OGT: variants seen among roughly 807,000 people sequenced by gnomAD.
OGT encodes the protein UDP-N-acetylglucosamine--peptide N-acetylglucosaminyltransferase 110 kDa subunit.
OGT carries 3 observed loss-of-function variants against 75.8 expected under a neutral mutation model. The observed-to-expected ratio is 0.04, with a 90% CI of 0.02 to 0.10. The LOEUF (loss-of-function observed/expected upper bound fraction) is 0.10, where lower values mean the gene tolerates loss of function less well. Among genes scored for constraint, OGT ranks in the 10% least tolerant of loss-of-function variants. The probability of loss-of-function intolerance (pLI) is 1.00; values close to 1 mark genes in which losing one functional copy is unlikely to be tolerated. For missense variants in OGT, 260 were observed against 824.4 expected, an observed-to-expected ratio of 0.32 and a Z score of 8.38; for synonymous variants, 257 against 289.7, an observed-to-expected ratio of 0.89 and a Z score of 1.15.
chrX:71,571,713 A>G (rs983804186), intron 21 of OGT, among the ~76,000 whole-genome samples: 1 of 109,330 alleles, frequency 9.1e-6, no homozygotes, highest in Middle Eastern at 5.0e-3. Flanking sequence ...TTTTCTTTTG[A>G]GGCGGAAGTT....
intron 5 of OGT, among the ~76,000 whole-genome samples, chrX:71,550,374 TTTTTGTTTTG>T (rs1287856031): frequency 2.7e-5 from 3 of 111,935 alleles, no homozygotes; most frequent in Non-Finnish European, 5.6e-5. Context: ...CCATTTGTTT[TTTTTGTTTTG>T]TTTTGTTTTG....
chrX:71,544,849 C>G (rs1012493417), intron 4 of OGT: 2 of 406,684 alleles, frequency 4.9e-6, no homozygotes, highest in African/African-American at 5.0e-5. Flanking sequence ...CATTTTGGAG[C>G]CTTTCTGCTG....
chrX:71,540,059 G>A (rs1455981044), intron 3 of OGT, among the ~76,000 whole-genome samples: 1 of 112,121 alleles, frequency 8.9e-6, no homozygotes, highest in East Asian at 2.8e-4. Flanking sequence ...ATAAATCATG[G>A]GATTACCTCT....
intron 5 of OGT, among the ~76,000 whole-genome samples, chrX:71,548,861 A>G (rs1333822887): frequency 1.8e-5 from 2 of 111,393 alleles, no homozygotes; most frequent in Non-Finnish European, 3.8e-5. Context: ...CTGTGACACA[A>G]TTTACCCATT....
At chrX:71,539,540 C>A (rs1357938148) in intron 3 of OGT, among the ~76,000 whole-genome samples, 2 of 111,607 alleles carry the variant, frequency 1.8e-5, no homozygotes, top group African/African-American at 6.5e-5. Flanking sequence ...CCAGTTAGCA[C>A]TCTTGGAGGT....
chrX:71,541,316 T>C (rs2040217279), intron 3 of OGT, among the ~76,000 whole-genome samples: 1 of 110,753 alleles, frequency 9.0e-6, no homozygotes, highest in South Asian at 3.7e-4. Context: ...ATATTTCGAT[T>C]CTTCTCTGTT....
At position 71,575,321 on chromosome X, in the gene OGT, A is replaced by C. The variant is rs986544021; in HGVS notation, c.*1527A>C. 8.9e-6 allele frequency: 1 copy of C among 112,544 alleles called. No homozygotes were observed. The highest frequency in any genetic ancestry group is 4.6e-3 in the Middle Eastern group (1 of 216). The allele number at this position is 112,544 out of a possible 1,213,427, so 9.3% of individuals were successfully genotyped here. ...ATCCTAGCTGACAAATTATTGATTAATAAGAACTTGAATTTCTGGAAGATT... is the reference window on the plus strand; with the variant it reads ...ATCCTAGCTGACAAATTATTGATTACTAAGAACTTGAATTTCTGGAAGATT... On this transcript the variant is annotated 3_prime_UTR_variant, in exon 22 of 22. Coordinates refer to ENST00000373719, the MANE Select transcript of OGT (RefSeq NM_181672.3).
intron 7 of OGT, chrX:71,555,742 CA>C: frequency 2.3e-6 from 1 of 437,706 alleles, no homozygotes; most frequent in South Asian, 4.8e-5. Flanking sequence ...TCACAAAAAC[CA>C]AAAAACAGCA....
chrX:71,569,201 G>A (rs771376328), intron 21 of OGT, among the ~76,000 whole-genome samples: 31 of 111,498 alleles, frequency 2.8e-4, no homozygotes, highest in African/African-American at 9.4e-4. Flanking sequence ...GGTGGCGGGC[G>A]TCTGTAGTCC....
chrX:71,570,658 G>A (rs1018684412), intron 21 of OGT, among the ~76,000 whole-genome samples: 1 of 111,475 alleles, frequency 9.0e-6, no homozygotes, highest in Non-Finnish European at 1.9e-5. Context: ...TTCAGCAGAT[G>A]TTAGCTACTT....
At chrX:71,562,165 A>G (rs2040388833) in intron 15 of OGT, among the ~76,000 whole-genome samples, 1 of 112,623 alleles carries the variant, frequency 8.9e-6, no homozygotes. Flanking sequence ...GCATTTTGAA[A>G]GTTAGTCTGA....
chrX:71,555,102 TAACA>T, intron 6 of OGT, 84 bp from the exon 7 acceptor site: 1 of 698,758 alleles, frequency 1.4e-6, no homozygotes, highest in Non-Finnish European at 2.1e-6. Flanking sequence ...GAATGAGTTG[TAACA>T]AACCATCCAT....
At chrX:71,533,966 G>C (rs930120294) in intron 1 of OGT, among the ~76,000 whole-genome samples, 2 of 111,424 alleles carry the variant, frequency 1.8e-5, no homozygotes, top group African/African-American at 3.3e-5. Context: ...GAGCGGTCCC[G>C]GTTTAGATTG....
At chrX:71,541,767 C>T (rs2040221138) in intron 3 of OGT, among the ~76,000 whole-genome samples, 1 of 109,332 alleles carries the variant, frequency 9.1e-6, no homozygotes, top group Non-Finnish European at 1.9e-5. Flanking sequence ...AGGTTTTTAT[C>T]GACCTGATTT....
At position 71,562,850 on chromosome X, in the gene OGT, A is replaced by G. The variant is rs1434297957; in HGVS notation, c.1981A>G (p.Met661Val). Residue 661 changes from methionine to valine, a missense_variant, in exon 16 of 22, where the codon ATG (methionine) becomes GTG (valine). By Grantham distance (21) the Met-to-Val change is conservative (BLOSUM62 1). Coordinates refer to ENST00000373719, the MANE Select transcript of OGT (RefSeq NM_181672.3). Reference protein sequence around the residue: ...FALRPAPIQAMWLGYPGTSGA... With the variant: ...FALRPAPIQAVWLGYPGTSGA... ...TTTTTGATCTGATTTTTTTAAGGCAATGTGGCTGGGATACCCTGGGACGAG... is the reference window on the plus strand; with the variant it reads ...TTTTTGATCTGATTTTTTTAAGGCAGTGTGGCTGGGATACCCTGGGACGAG... 1.7e-6 allele frequency: 2 copies of G among 1,185,275 alleles called. No homozygotes were observed. Among genetic ancestry groups the G allele is most frequent in the Non-Finnish European group, 1.1e-6 (1 of 878,426 alleles).
chrX:71,562,785 G>A, intron 15 of OGT, 62 bp from the exon 16 acceptor site: 1 of 973,741 alleles, frequency 1.0e-6, no homozygotes, highest in South Asian at 2.8e-5. Flanking sequence ...GTGACTTGAT[G>A]AATTTAGAGG....
intron 5 of OGT, among the ~76,000 whole-genome samples, chrX:71,550,903 G>A (rs1009737432): frequency 2.7e-5 from 3 of 110,353 alleles, no homozygotes; most frequent in African/African-American, 9.9e-5. Flanking sequence ...TGGGGGGGTG[G>A]AGGAGGGATG....
chrX:71,567,547 A>C lies in OGT; in HGVS notation c.2637A>C (p.Pro879=). The C allele has an allele frequency of 8.4e-7, 1 of 1,186,082 alleles. No homozygotes were observed. The highest frequency in any genetic ancestry group is 1.1e-6 in the Non-Finnish European group (1 of 877,394). Residue 879 remains proline, a synonymous_variant, in exon 20 of 22, where the codon CCA becomes CCC. Coordinates refer to ENST00000373719, the MANE Select transcript of OGT (RefSeq NM_181672.3). ...PNSVLWLLRF[P]AVGEPNIQQY... ...GTGTACTCTGGCTGTTGCGTTTTCC[A>C]GCAGTAGGAGAACCTAATATTCAAC...
At chrX:71,537,733 A>G (rs1308360997) in intron 2 of OGT, 96 bp from the exon 3 acceptor site, 56 of 1,018,802 alleles carry the variant, frequency 5.5e-5, no homozygotes, top group South Asian at 3.4e-4. Flanking sequence ...ATAATGAGCA[A>G]TAGCACAGAT....
Sources: allele counts gnomAD v4.1 joint callset (sites outside exome capture counted in the v4.1 genomes callset), GRCh38; gene constraint gnomAD v4.1.1; transcripts MANE v1.5; gene names NCBI Gene and HGNC (gene_info 2026-07-23, HGNC 2026-07-21).